The following CALN1 variants were observed in gnomAD, a reference collection of about 807,000 sequenced individuals.
CALN1 encodes calneuron 1.
In CALN1, 17 loss-of-function variants were observed where a neutral mutation model predicts 30.6. The observed-to-expected ratio is 0.56, with a 90% confidence interval of 0.38 to 0.83. The LOEUF (loss-of-function observed/expected upper bound fraction) is 0.83. Ranked by LOEUF, CALN1 falls within the 40% of genes least tolerant of loss-of-function variation. The probability of loss-of-function intolerance (pLI) is 0.00; values close to 1 mark genes in which losing one functional copy is unlikely to be tolerated. For missense variants in CALN1, 291 were observed against 354.9 expected (o/e 0.82, Z 1.45); for synonymous variants, 156 against 131.4 (o/e 1.19, Z -1.28).
intron 3 of CALN1, among the ~76,000 whole-genome samples, chr7:72,120,951 T>G (rs1808331868): frequency 6.6e-6 from 1 of 151,674 alleles, no homozygotes; most frequent in Non-Finnish European, 1.5e-5. Flanking sequence ...GGAAAAGGGC[T>G]CCCCTGAAAA....
intron 2 of CALN1, among the ~76,000 whole-genome samples, chr7:72,387,673 T>C (rs981001489): frequency 7.9e-5 from 12 of 152,228 alleles, no homozygotes; most frequent in South Asian, 2.1e-4. Flanking sequence ...ACAATATACA[T>C]ACCCAATACT....
At chr7:72,337,418 G>A (rs920449890) in intron 2 of CALN1, among the ~76,000 whole-genome samples, 1 of 19,006 alleles carries the variant, frequency 5.3e-5, no homozygotes, top group African/African-American at 1.3e-4. Flanking sequence ...ACTCACACTC[G>A]CGCGCACACA....
intron 2 of CALN1, among the ~76,000 whole-genome samples, chr7:72,304,965 G>A (rs890700269): frequency 2.0e-5 from 3 of 152,166 alleles, no homozygotes; most frequent in Admixed American, 6.5e-5. Flanking sequence ...TTTCCTCCAC[G>A]TGGGAGTAAG....
rs1281540632 is a variant in CALN1, at chr7:72,024,403, T to C, written c.389-634A>G. ...TGCTTTCTATATTTGAACAGCACTT[T>C]TTTTGTTGTTTTTGAGATGGTGTCT... On this transcript the variant is annotated intron_variant, in intron 4 of 6. Coordinates refer to ENST00000395275, the MANE Select transcript of CALN1 (RefSeq NM_031468.4). Among the ~76,000 whole-genome samples the C allele has an allele frequency of 2.6e-5, 4 of 152,152 alleles. No individual in the cohort carries two copies. The East Asian group carries it at 5.8e-4, about 22-fold the overall frequency.
chr7:72,184,388 G>T (rs966429527), intron 3 of CALN1, among the ~76,000 whole-genome samples: 1 of 152,072 alleles, frequency 6.6e-6, no homozygotes, highest in South Asian at 2.1e-4. Flanking sequence ...CTCTCATGTT[G>T]TAAGCATTCT....
intron 5 of CALN1, among the ~76,000 whole-genome samples, chr7:71,869,596 T>C (rs930579467): frequency 2.0e-5 from 3 of 152,224 alleles, no homozygotes; most frequent in African/African-American, 7.2e-5. Flanking sequence ...TATTTCTTCA[T>C]GTAAAACCTA....
chr7:71,860,284 C>G (rs1179915523), intron 5 of CALN1, among the ~76,000 whole-genome samples: 2 of 151,720 alleles, frequency 1.3e-5, no homozygotes, highest in African/African-American at 2.4e-5. Flanking sequence ...CCTCCACCTC[C>G]TGGGCTCAAG....
chr7:72,470,774 C>T, the CALN1 span, among the ~76,000 whole-genome samples: 1 of 152,070 alleles, frequency 6.6e-6, no homozygotes, highest in African/African-American at 2.4e-5. Context: ...TGGCAGAACA[C>T]GTGAGCAGGG....
chr7:71,925,924 G>C (rs1795247258), intron 5 of CALN1, among the ~76,000 whole-genome samples: 1 of 152,110 alleles, frequency 6.6e-6, no homozygotes, highest in South Asian at 2.1e-4. Context: ...CGCAATCTCA[G>C]CTAACTGCAA....
At chr7:72,112,748 A>C (rs1341150674) in intron 3 of CALN1, among the ~76,000 whole-genome samples, 2 of 152,236 alleles carry the variant, frequency 1.3e-5, no homozygotes, top group African/African-American at 4.8e-5. Flanking sequence ...CAGGATAGAT[A>C]AGTAGCAAAA....
In CALN1 at chr7:72,264,080, C is replaced by A. The variant is rs561225159; in HGVS notation, c.244+14606G>T. Among the ~76,000 whole-genome samples the A allele has an allele frequency of 3.3e-5, 5 of 152,140 alleles. No individual in the cohort carries two copies. The East Asian group carries it at 9.6e-4, about 29-fold the overall frequency. ...AGTCCCTCATGCTAAAAGTTCCACA[C>A]GACCGAGCCAAAACTAATTGGTTTA... On this transcript the variant is annotated intron_variant, in intron 3 of 6. Transcript: ENST00000395275.
Position 72,391,704 on chromosome 7 carries a change from GTTTT to G in CALN1, c.119+11543_119+11546del, listed in dbSNP as rs553279236. On this transcript the variant is annotated intron_variant, in intron 2 of 6. Transcript: ENST00000395275. Reference sequence around the variant, plus strand: ...AATAAATGGGAGTTCCCCTGCACAAGTTTTTTTGTTTTTTGTTTTTGTTTTTGTT... The same window carrying G: ...AATAAATGGGAGTTCCCCTGCACAAGTTTGTTTTTTGTTTTTGTTTTTGTT... 8.5e-5 allele frequency among the ~76,000 whole-genome samples: 13 copies of G among 152,144 alleles called. No homozygotes were observed. In the South Asian group the frequency reaches 1.9e-3, roughly 22 times the overall value.
chr7:72,335,226 A>T (rs535110866), intron 2 of CALN1, among the ~76,000 whole-genome samples: 1 of 152,360 alleles, frequency 6.6e-6, no homozygotes, highest in South Asian at 2.1e-4. Context: ...TGGGGCTTCT[A>T]TGAAAAACAC....
chr7:71,844,930 C>T (rs1288163895), intron 5 of CALN1, among the ~76,000 whole-genome samples: 2 of 152,028 alleles, frequency 1.3e-5, no homozygotes, highest in African/African-American at 4.8e-5. Flanking sequence ...TGCTCTGTTG[C>T]CCAGGCTGGA....
At chr7:72,193,814 C>G (rs925526077) in intron 3 of CALN1, among the ~76,000 whole-genome samples, 1 of 152,170 alleles carries the variant, frequency 6.6e-6, no homozygotes, top group Non-Finnish European at 1.5e-5. Context: ...TCGCAGCAAC[C>G]TGGATGGAAT....
chr7:72,002,882 T>C (rs1376039941), intron 5 of CALN1, among the ~76,000 whole-genome samples: 1 of 152,172 alleles, frequency 6.6e-6, no homozygotes, highest in Non-Finnish European at 1.5e-5. Context: ...AAAATTACAG[T>C]TATCAGGGAC....
At chr7:72,486,322 A>G in the CALN1 span, among the ~76,000 whole-genome samples, 1 of 152,238 alleles carries the variant, frequency 6.6e-6, no homozygotes, top group Non-Finnish European at 1.5e-5. Flanking sequence ...AGGCTGTAGT[A>G]ATAATACATA....
chr7:72,190,156 G>C (rs572567184), intron 3 of CALN1, among the ~76,000 whole-genome samples: 2 of 152,298 alleles, frequency 1.3e-5, no homozygotes, highest in East Asian at 1.9e-4. Context: ...AGGAGTTCGA[G>C]ATCAGCCTGG....
rs1225886860 is a variant in CALN1 at position 72,312,393 on chromosome 7, A to AG, written c.120-33584dup. 6.7e-3 allele frequency among the ~76,000 whole-genome samples: 872 copies of AG among 129,520 alleles called. 12 individuals are homozygous for AG. Among genetic ancestry groups the AG allele is most frequent in the African/African-American group, 0.027 (824 of 30,584 alleles). The allele number at this position is 129,520 out of a possible 152,430, so 85.0% of individuals were successfully genotyped here. ...AGACAACAGAGTGAGACTTCATCTC[A>AG]GAAAAAAAAAAAAAAAAAAAAAGTA... On this transcript the variant is annotated intron_variant, in intron 2 of 6. Coordinates refer to ENST00000395275, the MANE Select transcript of CALN1 (RefSeq NM_031468.4).
Sources: allele counts gnomAD v4.1 joint callset (sites outside exome capture counted in the v4.1 genomes callset), GRCh38; gene constraint gnomAD v4.1.1; transcripts MANE v1.5; gene names NCBI Gene and HGNC (gene_info 2026-07-23, HGNC 2026-07-21).